PCDHGA6: variants seen among roughly 807,000 people sequenced by gnomAD.
The protein encoded by PCDHGA6 is protocadherin gamma-A6.
PCDHGA6 carries 41 observed loss-of-function variants against 60.6 expected under a neutral mutation model. The observed-to-expected ratio is 0.68, with a 90% CI of 0.53 to 0.88. The LOEUF (loss-of-function observed/expected upper bound fraction) is 0.88, where lower values mean the gene tolerates loss of function less well. Ranked by LOEUF, PCDHGA6 falls within the 40% of genes least tolerant of loss-of-function variation. The pLI, the probability that PCDHGA6 is intolerant of heterozygous loss-of-function variation, is 0.00. For missense variants in PCDHGA6, 1,312 were observed against 1,203.0 expected, an observed-to-expected ratio of 1.09 and a Z score of -1.34; for synonymous variants, 594 against 524.4, an observed-to-expected ratio of 1.13 and a Z score of -1.81.
chr5:141,388,278 A>G (rs769879098), intron 1 of PCDHGA6: 3 of 1,613,502 alleles, frequency 1.9e-6, no homozygotes, highest in East Asian at 2.2e-5. Context: ...CCACACGCCA[A>G]AATTCACGCA....
rs2099419063 is a variant in PCDHGA6 at position 141,477,824 on chromosome 5, C to G, written c.2425-16983C>G. On this transcript the variant is annotated intron_variant, in intron 1 of 3. Coordinates refer to ENST00000517434, the MANE Select transcript of PCDHGA6 (RefSeq NM_018919.3). This position sits in a 1 kb window ranked among gnomAD's most constrained non-coding sequence, Gnocchi z 4.9. ...TGACAATGCCCCCCAGGTCCTATAT[C>G]CTCGGCCAGGTGGGAGCTCGGTGGA... is the stretch of plus-strand genomic sequence containing the variant. 5.6e-6 allele frequency: 9 copies of G among 1,614,196 alleles called. No individual in the cohort carries two copies. The highest frequency in any genetic ancestry group is 5.9e-6 in the Non-Finnish European group (7 of 1,180,034).
chr5:141,489,530 G>C lies in PCDHGA6; in HGVS notation c.2425-5277G>C, dbSNP rs751249228. 17 of 1,614,092 alleles carry C rather than the reference G, an allele frequency of 1.1e-5. 1 individual carries two copies. In the South Asian group the frequency reaches 1.9e-4, roughly 18 times the overall value. ...AAGATTGACCGAGAAAGCCTATGTG[G>C]AGCCAGCACCAGCTGCCTGCTGCCA... On this transcript the variant is annotated intron_variant, in intron 1 of 3. Coordinates refer to ENST00000517434, the MANE Select transcript of PCDHGA6 (RefSeq NM_018919.3). The surrounding 1 kb of genome is among the most constrained non-coding windows in gnomAD (Gnocchi z 4.5).
Position 141,486,914 on chromosome 5 carries a change from C to T in PCDHGA6, c.2425-7893C>T, listed in dbSNP as rs1469857080. On this transcript the variant is annotated intron_variant, in intron 1 of 3. Coordinates refer to ENST00000517434, the MANE Select transcript of PCDHGA6 (RefSeq NM_018919.3). This position sits in a 1 kb window ranked among gnomAD's most constrained non-coding sequence, Gnocchi z 5.0. ...TGGTTCCTTATGTCCCCAAGCACTG[C>T]CTCCATCAGTTGGTGCTGGCCACCT... The T allele has an allele frequency of 6.2e-7, 1 of 1,614,236 alleles. No individual in the cohort carries two copies.
intron 3 of PCDHGA6, among the ~76,000 whole-genome samples, chr5:141,509,440 C>T (rs1036780108): frequency 2.0e-5 from 3 of 152,158 alleles, no homozygotes; most frequent in Non-Finnish European, 4.4e-5. Flanking sequence ...CTTGTTTCCT[C>T]CTCTCCCACC....
At chr5:141,399,255 G>A (rs767281843) in intron 1 of PCDHGA6, 6 of 1,613,892 alleles carry the variant, frequency 3.7e-6, no homozygotes, top group Non-Finnish European at 5.1e-6. Context: ...GGGAAAATGG[G>A]GAGGTTAATT....
chr5:141,387,209 T>A lies in PCDHGA6; in HGVS notation c.2424+10702T>A, dbSNP rs911946032. Among the ~76,000 whole-genome samples, 3 of 152,170 alleles carry A rather than the reference T, an allele frequency of 2.0e-5. No individual in the cohort carries two copies. In the South Asian group the frequency reaches 6.2e-4, roughly 31 times the overall value. On this transcript the variant is annotated intron_variant, in intron 1 of 3. Coordinates refer to ENST00000517434, the MANE Select transcript of PCDHGA6 (RefSeq NM_018919.3). ...GGCAATTTTGGTATTACTGATACTC[T>A]CCGGAAAAAGTTGAAATAAATCAAC...
chr5:141,427,887 C>G, intron 1 of PCDHGA6: 1 of 1,565,908 alleles, frequency 6.4e-7, no homozygotes, highest in South Asian at 1.1e-5. Flanking sequence ...GGCCCACGAC[C>G]AGGGCTCGCC....
intron 1 of PCDHGA6, chr5:141,383,265 A>AAT: frequency 6.2e-7 from 1 of 1,613,948 alleles, no homozygotes; most frequent in African/African-American, 1.3e-5. Flanking sequence ...TAGACGTGGA[A>AAT]ATAATAGATA....
rs767577725 is a variant in PCDHGA6 at position 141,485,642 on chromosome 5, G to T, written c.2425-9165G>T. 4.3e-6 allele frequency: 7 copies of T among 1,612,162 alleles called. No homozygotes were observed. The highest frequency in any genetic ancestry group is 1.7e-5 in the Admixed American group (1 of 59,938). ...AGGACAGCGTTTCCCGTTGGAAAAGGCTCAGGATGCAGATGTGGGGAGCAA... is the reference window on the plus strand; with the variant it reads ...AGGACAGCGTTTCCCGTTGGAAAAGTCTCAGGATGCAGATGTGGGGAGCAA... On this transcript the variant is annotated intron_variant, in intron 1 of 3. Coordinates refer to ENST00000517434, the MANE Select transcript of PCDHGA6 (RefSeq NM_018919.3). This position sits in a 1 kb window ranked among gnomAD's most constrained non-coding sequence, Gnocchi z 5.7.
chr5:141,484,068 G>C (rs1287427208), intron 1 of PCDHGA6, among the ~76,000 whole-genome samples: 1 of 152,114 alleles, frequency 6.6e-6, no homozygotes, highest in African/African-American at 2.4e-5. Flanking sequence ...TAAGTGAAAA[G>C]CTTGCTCTTT....
Position 141,503,868 on chromosome 5 carries a change from G to A in PCDHGA6, c.2484-1525G>A, listed in dbSNP as rs928240898. Among the ~76,000 whole-genome samples, 24 of 152,202 alleles carry A rather than the reference G, an allele frequency of 1.6e-4. No individual in the cohort carries two copies. The South Asian group carries it at 4.1e-3, about 26-fold the overall frequency. ...TTGGAAAAATTGTAAAGCAGTTCTT[G>A]GTTGTGCTCACCCACCATGACAAAA... On this transcript the variant is annotated intron_variant, in intron 2 of 3. Coordinates refer to ENST00000517434, the MANE Select transcript of PCDHGA6 (RefSeq NM_018919.3).
chr5:141,502,500 G>C (rs1398797155), intron 2 of PCDHGA6, among the ~76,000 whole-genome samples: 1 of 152,046 alleles, frequency 6.6e-6, no homozygotes, highest in Non-Finnish European at 1.5e-5. Flanking sequence ...ATCTAACGTC[G>C]GCCTGTCCCA....
At chr5:141,408,097 C>T (rs2095040197) in intron 1 of PCDHGA6, 5 of 1,434,516 alleles carry the variant, frequency 3.5e-6, no homozygotes, top group Non-Finnish European at 3.7e-6. Context: ...TTGCCAGCTC[C>T]GAGACCCGGG....
At chr5:141,390,919 A>C (rs1254063856) in intron 1 of PCDHGA6, 1 of 152,550 alleles carries the variant, frequency 6.6e-6, no homozygotes, top group Non-Finnish European at 1.5e-5. Flanking sequence ...AAAAAGGTCT[A>C]CTATGCTCAT....
intron 1 of PCDHGA6, chr5:141,427,891 G>A (rs767506033): frequency 1.3e-6 from 2 of 1,566,658 alleles, no homozygotes; most frequent in South Asian, 2.2e-5. Context: ...CACGACCAGG[G>A]CTCGCCCGCG....
chr5:141,436,384 C>A lies in PCDHGA6; in HGVS notation c.2425-58423C>A, dbSNP rs1048094484. 2.6e-5 allele frequency among the ~76,000 whole-genome samples: 4 copies of A among 152,222 alleles called. 1 individual carries two copies. Among genetic ancestry groups the A allele is most frequent in the Non-Finnish European group, 4.4e-5 (3 of 67,978 alleles). On this transcript the variant is annotated intron_variant, in intron 1 of 3. Coordinates refer to ENST00000517434, the MANE Select transcript of PCDHGA6 (RefSeq NM_018919.3). The stretch of plus-strand genomic sequence containing the variant: ...ATGTTTCCAGTTTAAGCTGAATAGG[C>A]TTTATTAAATAGTTGTTGAATGAAT...
Position 141,384,834 on chromosome 5 carries a change from C to T in PCDHGA6, c.2424+8327C>T, listed in dbSNP as rs369584315. 6.0e-5 allele frequency: 97 copies of T among 1,613,478 alleles called. No individual in the cohort carries two copies. The African/African-American group carries it at 1.2e-3, about 19-fold the overall frequency. On this transcript the variant is annotated intron_variant, in intron 1 of 3. Coordinates refer to ENST00000517434, the MANE Select transcript of PCDHGA6 (RefSeq NM_018919.3). The stretch of plus-strand genomic sequence containing the variant: ...CCCTCAAGCAGAGCCTCGTGGTGGC[C>T]GTCCAGGACCACGGTCAGCCTCCTC...
intron 1 of PCDHGA6, among the ~76,000 whole-genome samples, chr5:141,468,890 G>A (rs2099184679): frequency 6.6e-6 from 1 of 151,592 alleles, no homozygotes; most frequent in African/African-American, 2.4e-5. Flanking sequence ...TAATAATAAG[G>A]TACTAATATG....
chr5:141,431,194 T>C lies in PCDHGA6; in HGVS notation c.2424+54687T>C. On this transcript the variant is annotated intron_variant, in intron 1 of 3. Coordinates refer to ENST00000517434, the MANE Select transcript of PCDHGA6 (RefSeq NM_018919.3). The surrounding 1 kb of genome is among the most constrained non-coding windows in gnomAD (Gnocchi z 4.8). ...AATTAGAAATAAAAATTAGTGAAAA[T>C]GCAGCCACTGAGATGCGGTTCCCTC... The C allele has an allele frequency of 6.2e-7, 1 of 1,614,124 alleles. No homozygotes were observed.
Sources: gnomAD v4.1 joint callset for allele counts (sites outside exome capture counted in the v4.1 genomes callset) on GRCh38, gnomAD v4.1.1 for gene constraint, Gnocchi (gnomAD v3.1) non-coding constraint, MANE v1.5 for transcripts, NCBI Gene and HGNC (gene_info 2026-07-23, HGNC 2026-07-21) for gene names.